Variants in TMEM101 observed in about 807,000 individuals in gnomAD.
TMEM101 encodes the protein putative NF-kappa-B-activating protein 130.
Under a neutral mutation model 26.0 loss-of-function variants are expected in TMEM101, and 14 were observed. The ratio of observed to expected loss-of-function variants is 0.54; its 90% CI spans 0.36 to 0.84. The LOEUF (loss-of-function observed/expected upper bound fraction) is 0.84. Ranked by LOEUF, TMEM101 falls within the 40% of genes least tolerant of loss-of-function variation. TMEM101 has a pLI of 0.01. For synonymous variants in TMEM101, 152 were observed against 145.1 expected (o/e 1.05, Z -0.34); for missense variants, 292 against 345.1 (o/e 0.85, Z 1.22).
chr17:44,022,782 C>T lies in TMEM101; in HGVS notation c.-324+257G>A, dbSNP rs537631807. On this transcript the variant is annotated intron_variant, in intron 1 of 4. Transcript: ENST00000585950. ...AAGCTCCCAGCCTGGTCCTTGCAGC[C>T]GAAAAATGGCATGCTTTTTCTTTCG... 7.2e-5 allele frequency among the ~76,000 whole-genome samples: 11 copies of T among 152,186 alleles called. No homozygotes were observed. In the East Asian group the frequency reaches 1.7e-3, roughly 24 times the overall value.
At chr17:44,017,080 G>A (rs1460821110), upstream of TMEM101, among the ~76,000 whole-genome samples, 1 of 151,588 alleles carries the variant, frequency 6.6e-6, no homozygotes, top group East Asian at 1.9e-4. Flanking sequence ...GAACCTGGGC[G>A]GCGGACCTTG....
At chr17:44,020,376 G>A (rs1206655301) in intron 2 of TMEM101, among the ~76,000 whole-genome samples, 1 of 152,146 alleles carries the variant, frequency 6.6e-6, no homozygotes, top group Admixed American at 6.5e-5. Context: ...TTTTGTTTGG[G>A]CAAGGGCAAA....
chr17:44,016,919 G>T (rs2144025079), upstream of TMEM101, among the ~76,000 whole-genome samples: 1 of 152,112 alleles, frequency 6.6e-6, no homozygotes, highest in East Asian at 1.9e-4. Context: ...TGGATCACGA[G>T]GTCAGGAGTT....
upstream of TMEM101, among the ~76,000 whole-genome samples, chr17:44,016,361 G>A (rs1467998614): frequency 6.6e-6 from 1 of 152,102 alleles, no homozygotes; most frequent in East Asian, 1.9e-4. Context: ...AGTGGAGACA[G>A]GGTTTCACCA....
In TMEM101 at chr17:44,013,068, G is replaced by A. The variant is rs2144008930; in HGVS notation, c.406C>T (p.Arg136Cys). ...GAGELYRRKPRSRSLQSTGQV... is the reference protein window; with the variant it reads ...GAGELYRRKPCSRSLQSTGQV... ...CCGGTGGACTGCAGGGAGCGGCTGC[G>A]AGGTTTCCGGCGGTACAGCTCCCCA... The change falls in exon 3 of 4, where the codon CGC becomes TGC. Residue 136 changes from arginine (R) to cysteine (C), a missense_variant. Around this residue, in one of 2 missense-constraint regions of TMEM101, gnomAD observed 149 missense variants for 211.9 expected, o/e 0.70. Transcript: ENST00000206380. The A allele has an allele frequency of 6.8e-6, 11 of 1,610,014 alleles. No homozygotes were observed. Among genetic ancestry groups the A allele is most frequent in the Non-Finnish European group, 8.5e-6 (10 of 1,177,004 alleles).
chr17:44,012,415 G>A, intron 3 of TMEM101, 179 bp from the exon 4 acceptor site: 1 of 620,370 alleles, frequency 1.6e-6, no homozygotes, highest in Non-Finnish European at 2.8e-6. Flanking sequence ...GGAGCCCCAG[G>A]AGATTAGGGC....
Position 44,012,075 on chromosome 17 carries a change from T to C in TMEM101, c.627A>G (p.Val209=). 6.2e-7 allele frequency: 1 copy of C among 1,614,202 alleles called. No homozygotes were observed. Among genetic ancestry groups the C allele is most frequent in the Admixed American group, 1.7e-5 (1 of 60,026 alleles). Reference sequence around the variant, plus strand: ...TGAGCAGCATGACAGGGGGCAGCAGTACAGCCAGGATCTGGGCAGCGAGGG... The same window carrying C: ...TGAGCAGCATGACAGGGGGCAGCAGCACAGCCAGGATCTGGGCAGCGAGGG... The part of the protein sequence containing the change: ...YVTLAAQILA[V]LLPPVMLLID... Residue 209 remains valine, a synonymous_variant, in exon 4 of 4, where the codon GTA becomes GTG. Coordinates refer to ENST00000206380, the MANE Select transcript of TMEM101 (RefSeq NM_032376.4).
intron 2 of TMEM101, among the ~76,000 whole-genome samples, chr17:44,020,983 G>A (rs1034374877): frequency 6.6e-6 from 1 of 152,174 alleles, no homozygotes; most frequent in Non-Finnish European, 1.5e-5. Flanking sequence ...CAAAAATGGA[G>A]GGGAACATGA....
At chr17:44,017,066 G>A (rs1489426945), upstream of TMEM101, among the ~76,000 whole-genome samples, 3 of 151,100 alleles carry the variant, frequency 2.0e-5, no homozygotes, top group South Asian at 2.1e-4. Context: ...CAGGAGAATC[G>A]CTTGAACCTG....
Position 44,011,799 on chromosome 17 carries a change from T to C in TMEM101, c.*129A>G. On this transcript the variant is annotated 3_prime_UTR_variant, in exon 4 of 4. Coordinates refer to ENST00000206380, the MANE Select transcript of TMEM101 (RefSeq NM_032376.4). ...GCTGCCTCTTAACTGCAAAAAACAATTTTAAAAAAGCAAAAGATCAAACAA... is the reference window on the plus strand; with the variant it reads ...GCTGCCTCTTAACTGCAAAAAACAACTTTAAAAAAGCAAAAGATCAAACAA... The C allele has an allele frequency of 8.9e-7, 1 of 1,126,868 alleles. No homozygotes were observed. Among genetic ancestry groups the C allele is most frequent in the Non-Finnish European group, 1.2e-6 (1 of 811,286 alleles). 69.8% of individuals were successfully genotyped at this position (1,126,868 alleles called of 1,614,324 possible).
At chr17:44,019,388 C>T, upstream of TMEM101, 1 of 403,828 alleles carries the variant, frequency 2.5e-6, no homozygotes, top group Non-Finnish European at 4.9e-6. Flanking sequence ...CGTCCGTGCA[C>T]AGACGAGGAG....
chr17:44,016,153 A>T (rs35088587), upstream of TMEM101, among the ~76,000 whole-genome samples: 7,535 of 152,032 alleles, frequency 0.05, 648 homozygotes, highest in African/African-American at 0.17. Flanking sequence ...ACATATATAT[A>T]TATCTGCTTT....
At chr17:44,023,116 CGAG>C (rs2049301016), upstream of TMEM101, 1 of 296,738 alleles carries the variant, frequency 3.4e-6, no homozygotes, top group South Asian at 2.9e-5. Context: ...CGTGCACAGA[CGAG>C]GAGAGGTCTC....
chr17:44,012,189 G>A lies in TMEM101; in HGVS notation c.513C>T (p.Asn171=). The stretch of plus-strand genomic sequence containing the variant: ...TCATCAGCTCCCCTCCTGGGAGATG[G>A]TTCAGATACGCCAGCCGGTCCTCCT... The part of the protein sequence containing the change: ...HSKEDRLAYL[N]HLPGGELMIQ... The change falls in exon 4 of 4, where the codon AAC becomes AAT. Residue 171 remains asparagine, a synonymous_variant. Coordinates refer to ENST00000206380, the MANE Select transcript of TMEM101 (RefSeq NM_032376.4). 2 of 1,614,144 alleles carry A rather than the reference G, an allele frequency of 1.2e-6. No individual in the cohort carries two copies. The highest frequency in any genetic ancestry group is 1.7e-6 in the Non-Finnish European group (2 of 1,180,012).
chr17:44,011,950 A>AC lies in TMEM101; in HGVS notation c.751dup (p.Val251GlyfsTer6). 2 of 1,610,552 alleles carry AC rather than the reference A, an allele frequency of 1.2e-6. No homozygotes were observed. The highest frequency in any genetic ancestry group is 2.7e-5 in the African/African-American group (2 of 74,894). ...AACTCAGCCATCAGTGGCCAGGATG[A>AC]CAGCAGTTCCGAAGATGCCCACACT... On this transcript the variant is annotated frameshift_variant, in exon 4 of 4. Coordinates refer to ENST00000206380, the MANE Select transcript of TMEM101 (RefSeq NM_032376.4). LOFTEE classifies it high-confidence loss of function.
At chr17:44,014,243 G>T in intron 2 of TMEM101, 114 bp downstream of exon 2, 1 of 1,297,240 alleles carries the variant, frequency 7.7e-7, no homozygotes, top group Non-Finnish European at 1.0e-6. Flanking sequence ...AACCTCCCAG[G>T]CTTCACACTG....
upstream of TMEM101, among the ~76,000 whole-genome samples, chr17:44,017,249 G>A (rs2049242180): frequency 6.6e-6 from 1 of 151,890 alleles, no homozygotes; most frequent in Non-Finnish European, 1.5e-5. Flanking sequence ...GATCACCTGA[G>A]GTTAGGGGTT....
intron 1 of TMEM101, 114 bp from the exon 2 acceptor site, chr17:44,014,651 C>A (rs1221039111): frequency 6.0e-6 from 9 of 1,508,376 alleles, no homozygotes; most frequent in Middle Eastern, 2.0e-4. Context: ...GACTCCCCTC[C>A]CATGGGCAGG....
intron 2 of TMEM101, 105 bp from the exon 3 acceptor site, chr17:44,013,260 A>G (rs2049185762): frequency 2.6e-6 from 3 of 1,162,108 alleles, no homozygotes. Flanking sequence ...ATTCCATCTG[A>G]TGAACCCTCT....
Sources: gnomAD v4.1 joint callset for allele counts (sites outside exome capture counted in the v4.1 genomes callset) on GRCh38, gnomAD v4.1.1 for gene constraint, gnomAD v4.1.1 regional missense constraint, MANE v1.5 for transcripts, NCBI Gene and HGNC (gene_info 2026-07-23, HGNC 2026-07-21) for gene names.